Variants in HEMK2 observed in about 807,000 individuals in gnomAD.
The protein encoded by HEMK2 is HemK methyltransferase 2, ETF1 glutamine and histone H4 lysine.
chr21:28,586,281 A>G, the HEMK2 span, among the ~76,000 whole-genome samples: 6 of 152,226 alleles, frequency 3.9e-5, no homozygotes, highest in South Asian at 1.2e-3. Flanking sequence ...AAAGTCTTAT[A>G]CCACCATAAA....
the HEMK2 span, among the ~76,000 whole-genome samples, chr21:28,677,944 G>T: frequency 6.6e-6 from 1 of 152,148 alleles, no homozygotes; most frequent in Non-Finnish European, 1.5e-5. Flanking sequence ...ACAAAGATGG[G>T]GAAAAAACAG....
At chr21:28,771,521 C>CCCCCCCCCCCCCCCCCCCCCCA in the HEMK2 span, among the ~76,000 whole-genome samples, 1 of 131,474 alleles carries the variant, frequency 7.6e-6, no homozygotes, top group African/African-American at 2.9e-5. Context: ...ATGCACCACC[C>CCCCCCCCCCCCCCCCCCCCCCA]CCCCCCGCCA....
chr21:28,782,974 C>T, the HEMK2 span, among the ~76,000 whole-genome samples: 15 of 152,226 alleles, frequency 9.9e-5, no homozygotes, highest in East Asian at 3.9e-4. Flanking sequence ...GTGCTGGTAA[C>T]AGTGTAGAAT....
the HEMK2 span, among the ~76,000 whole-genome samples, chr21:28,705,570 G>A: frequency 6.6e-6 from 1 of 152,100 alleles, no homozygotes; most frequent in Non-Finnish European, 1.5e-5. Flanking sequence ...GAAGAGTTGG[G>A]AGTCAGAAAA....
the HEMK2 span, among the ~76,000 whole-genome samples, chr21:28,817,532 G>C: frequency 6.6e-6 from 1 of 152,136 alleles, no homozygotes. Context: ...TCTCTTATTT[G>C]GGGATCCTGT....
At chr21:28,645,689 T>C in the HEMK2 span, among the ~76,000 whole-genome samples, 10 of 152,296 alleles carry the variant, frequency 6.6e-5, no homozygotes, top group African/African-American at 2.4e-4. Context: ...TGGGAGTTGA[T>C]CAGGTCATGA....
chr21:28,791,465 A>G, the HEMK2 span, among the ~76,000 whole-genome samples: 3 of 152,298 alleles, frequency 2.0e-5, no homozygotes, highest in East Asian at 3.9e-4. Flanking sequence ...AAATAAACAT[A>G]ATTCAAAAAA....
the HEMK2 span, among the ~76,000 whole-genome samples, chr21:28,883,799 T>A: frequency 0.93 from 141,106 of 152,258 alleles, 65,492 homozygotes; most frequent in East Asian, 1. Flanking sequence ...AGCTCACTGC[T>A]GCCTTTAACT....
chr21:28,713,571 C>T, the HEMK2 span, among the ~76,000 whole-genome samples: 4 of 152,126 alleles, frequency 2.6e-5, no homozygotes, highest in Admixed American at 6.6e-5. Flanking sequence ...TCCCCAGGCC[C>T]CTCCTTCTTT....
chr21:28,876,438 A>G, the HEMK2 span: 2 of 1,612,498 alleles, frequency 1.2e-6, no homozygotes, highest in Admixed American at 1.7e-5. Context: ...GCTTGTCTGG[A>G]AAGTGCAGTG....
the HEMK2 span, among the ~76,000 whole-genome samples, chr21:28,877,352 A>C: frequency 2.0e-5 from 3 of 149,824 alleles, no homozygotes; most frequent in Admixed American, 1.3e-4. Context: ...GAAGGAAAGA[A>C]AAAAAAGAAA....
At chr21:28,669,957 T>A in the HEMK2 span, among the ~76,000 whole-genome samples, 1 of 152,216 alleles carries the variant, frequency 6.6e-6, no homozygotes, top group Non-Finnish European at 1.5e-5. Flanking sequence ...TAAGGATATA[T>A]ACTACTAGGA....
chr21:28,804,950 T>A, the HEMK2 span, among the ~76,000 whole-genome samples: 1 of 152,208 alleles, frequency 6.6e-6, no homozygotes, highest in Non-Finnish European at 1.5e-5. Flanking sequence ...GAAACCTGGG[T>A]TGTCATTAAA....
the HEMK2 span, among the ~76,000 whole-genome samples, chr21:28,603,545 ATATATGTGTGTGTG>A: frequency 1.4e-3 from 133 of 95,646 alleles, no homozygotes; most frequent in African/African-American, 5.2e-3. Context: ...TACTGAGGAT[ATATATGTGTGTGTG>A]TGTGTGTGTG....
chr21:28,880,542 G>A, the HEMK2 span, among the ~76,000 whole-genome samples: 10 of 152,064 alleles, frequency 6.6e-5, no homozygotes, highest in African/African-American at 2.4e-4. Flanking sequence ...GACCAGCCTC[G>A]CCAACCCATG....
At chr21:28,811,249 G>A in the HEMK2 span, among the ~76,000 whole-genome samples, 9 of 133,002 alleles carry the variant, frequency 6.8e-5, no homozygotes, top group Admixed American at 4.1e-4. Context: ...CAGAGAAAGA[G>A]GAAAGAAAGA....
chr21:28,869,139 GGTTAAGAAA>G, the HEMK2 span, among the ~76,000 whole-genome samples: 1 of 152,036 alleles, frequency 6.6e-6, no homozygotes, highest in African/African-American at 2.4e-5. Flanking sequence ...GACCATGTTG[GGTTAAGAAA>G]GTTCCTTCTC....
chr21:28,591,009 AC>A, the HEMK2 span, among the ~76,000 whole-genome samples: 4 of 152,192 alleles, frequency 2.6e-5, no homozygotes, highest in Admixed American at 6.5e-5. Context: ...AGCTTCACAA[AC>A]ATTTTGTTAC....
the HEMK2 span, among the ~76,000 whole-genome samples, chr21:28,645,696 A>G: frequency 3.3e-5 from 5 of 152,224 alleles, no homozygotes; most frequent in African/African-American, 9.6e-5. Flanking sequence ...TGATCAGGTC[A>G]TGAGGTCAGA....
Sources: gnomAD v4.1 joint callset for allele counts (sites outside exome capture counted in the v4.1 genomes callset) on GRCh38, gnomAD v4.1.1 for gene constraint, MANE v1.5 for transcripts, NCBI Gene and HGNC (gene_info 2026-07-23, HGNC 2026-07-21) for gene names.